Variants in TXNDC5 observed in about 807,000 individuals in gnomAD.
The protein encoded by TXNDC5 is thioredoxin domain-containing protein 5.
TXNDC5 carries 44 observed loss-of-function variants against 52.6 expected under a neutral mutation model. The observed-to-expected ratio is 0.84, with a 90% CI of 0.66 to 1.08. The LOEUF is 1.08. Ranked by LOEUF, TXNDC5 falls within the 50% of genes least tolerant of loss-of-function variation. The pLI is 0.00. For synonymous variants in TXNDC5, 241 were observed against 234.4 expected, an observed-to-expected ratio of 1.03 and a Z score of -0.26; for missense variants, 600 against 565.5, an observed-to-expected ratio of 1.06 and a Z score of -0.62.
intron 5 of TXNDC5, among the ~76,000 whole-genome samples, chr6:7,890,054 G>A (rs185920582): frequency 7.7e-4 from 117 of 152,288 alleles, no homozygotes; most frequent in Non-Finnish European, 1.3e-3. Context: ...TTTTAAACAG[G>A]AGTAGTTGGT....
chr6:7,901,720 T>A (rs1403117834), intron 2 of TXNDC5, among the ~76,000 whole-genome samples: 1 of 152,144 alleles, frequency 6.6e-6, no homozygotes, highest in Non-Finnish European at 1.5e-5. Context: ...TGCCCCAGAT[T>A]TCCGCTATTA....
Position 7,910,755 on chromosome 6 carries a change from G to A in TXNDC5, c.22C>T (p.Leu8Phe), listed in dbSNP as rs1487587772. 2 of 1,000,038 alleles carry A rather than the reference G, an allele frequency of 2.0e-6. No homozygotes were observed. Among genetic ancestry groups the A allele is most frequent in the Admixed American group, 6.1e-5 (1 of 16,438 alleles). 61.9% of individuals were successfully genotyped at this position (1,000,038 alleles called of 1,614,324 possible). The change falls in exon 1 of 10, where the codon CTC (leucine) becomes TTC (phenylalanine). Residue 8 changes from leucine (L) to phenylalanine (F), a missense_variant. Coordinates refer to ENST00000379757, the MANE Select transcript of TXNDC5 (RefSeq NM_030810.5). Reference protein sequence around the residue: MPARPGRLLPLLARPAAL... With the variant: MPARPGRFLPLLARPAAL... ...GCCGGCCGGGCCAGCAGCGGGAGGAGGCGTCCTGGGCGCGCGGGCATCGCG... is the reference window on the plus strand; with the variant it reads ...GCCGGCCGGGCCAGCAGCGGGAGGAAGCGTCCTGGGCGCGCGGGCATCGCG...
chr6:7,910,200 C>T (rs1178754397), intron 1 of TXNDC5: 3 of 963,676 alleles, frequency 3.1e-6, no homozygotes, highest in African/African-American at 3.5e-5. Flanking sequence ...TGAGCTCACG[C>T]CTCCCGACCC....
Position 7,899,617 on chromosome 6 carries a change from G to C in TXNDC5, c.478C>G (p.Leu160Val), listed in dbSNP as rs768198777. 1 of 1,614,156 alleles carries C rather than the reference G, an allele frequency of 6.2e-7. No homozygotes were observed. Among genetic ancestry groups the C allele is most frequent in the Non-Finnish European group, 8.5e-7 (1 of 1,180,016 alleles). ...KYQGPRDFQTLENWMLQTLNE... is the reference protein window; with the variant it reads ...KYQGPRDFQTVENWMLQTLNE... ...AGTGTCTGCAGCATCCAGTTTTCCA[G>C]TGTCTGGAAGTCCCGAGGACCCTGG... Residue 160 changes from leucine to valine, a missense_variant, in exon 3 of 10, where the codon CTG becomes GTG. Physicochemically the swap from Leu to Val is conservative, Grantham distance 32 (BLOSUM62 1). Coordinates refer to ENST00000379757, the MANE Select transcript of TXNDC5 (RefSeq NM_030810.5).
intron 2 of TXNDC5, among the ~76,000 whole-genome samples, chr6:7,900,947 T>C (rs940660074): frequency 1.5e-5 from 2 of 135,952 alleles, no homozygotes; most frequent in African/African-American, 2.8e-5. Flanking sequence ...TACACACACA[T>C]TCAGTCCAAA....
In TXNDC5 at chr6:7,884,484, C is replaced by T. The variant is rs1371193763; in HGVS notation, c.1051G>A (p.Gly351Ser). 1.2e-6 allele frequency: 2 copies of T among 1,613,920 alleles called. No individual in the cohort carries two copies. Among genetic ancestry groups the T allele is most frequent in the African/African-American group, 1.3e-5 (1 of 74,920 alleles). Residue 351 changes from glycine to serine, a missense_variant, in exon 9 of 10, where the codon GGT becomes AGT. Physicochemically the swap from Gly to Ser is moderately conservative, Grantham distance 56 (BLOSUM62 0). Coordinates refer to ENST00000379757, the MANE Select transcript of TXNDC5 (RefSeq NM_030810.5). ...TFIKFYAPWC[G>S]HCKTLAPTWE... ...GTAGGAGCCAGAGTCTTACAATGAC[C>T]ACACCTAAGACGAGAAAAATGGCAG...
chr6:7,903,930 T>C (rs1283809496), intron 2 of TXNDC5, among the ~76,000 whole-genome samples: 1 of 152,194 alleles, frequency 6.6e-6, no homozygotes, highest in Non-Finnish European at 1.5e-5. Context: ...TGGGCCCTTC[T>C]GTGCAAACAG....
chr6:7,908,186 G>A (rs960485718), intron 1 of TXNDC5, among the ~76,000 whole-genome samples: 2 of 150,790 alleles, frequency 1.3e-5, no homozygotes, highest in Non-Finnish European at 1.5e-5. Flanking sequence ...AGGAGGCTGA[G>A]GCAGGAGAAT....
At chr6:7,907,620 GA>G (rs1760779342) in intron 1 of TXNDC5, among the ~76,000 whole-genome samples, 1 of 152,188 alleles carries the variant, frequency 6.6e-6, no homozygotes, top group South Asian at 2.1e-4. Flanking sequence ...CACGGCAGCT[GA>G]AACTGGAAAA....
At chr6:7,894,682 C>G in intron 4 of TXNDC5, 1 of 963,416 alleles carries the variant, frequency 1.0e-6, no homozygotes, top group Non-Finnish European at 1.2e-6. Context: ...AAGATGCTGA[C>G]AGAGGGATAC....
At position 7,889,568 on chromosome 6, in the gene TXNDC5, T is replaced by C; in HGVS notation, c.746A>G (p.Gln249Arg). 6.2e-7 allele frequency: 1 copy of C among 1,611,298 alleles called. No individual in the cohort carries two copies. The highest frequency in any genetic ancestry group is 2.2e-5 in the East Asian group (1 of 44,762). Reference protein sequence around the residue: ...TVKIGKVDCTQHYELCSGNQV... With the variant: ...TVKIGKVDCTRHYELCSGNQV... ...GTTTCCGGAGCAGAGTTCATAGTGC[T>C]GTGTACAATCAACCTGAGAATAAAA... The change falls in exon 6 of 10, where the codon CAG becomes CGG. Residue 249 changes from glutamine (Q) to arginine (R), a missense_variant. By Grantham distance (43) the Gln-to-Arg change is conservative. Coordinates refer to ENST00000379757, the MANE Select transcript of TXNDC5 (RefSeq NM_030810.5).
At chr6:7,888,948 G>A (rs1760099169) in intron 6 of TXNDC5, 100 bp from the exon 7 acceptor site, 1 of 1,459,670 alleles carries the variant, frequency 6.9e-7, no homozygotes, top group South Asian at 1.4e-5. Context: ...AGAGCTCCCA[G>A]ATGTCTTAGC....
intron 3 of TXNDC5, 106 bp downstream of exon 3, chr6:7,899,470 A>T: frequency 1.5e-6 from 1 of 687,228 alleles, no homozygotes; most frequent in Non-Finnish European, 2.3e-6. Context: ...TGGCAGCCTT[A>T]ATCATTAACC....
chr6:7,909,613 C>T, intron 1 of TXNDC5, among the ~76,000 whole-genome samples: 1 of 152,188 alleles, frequency 6.6e-6, no homozygotes, highest in East Asian at 1.9e-4. Context: ...CCCGAGAGAG[C>T]AGCAGGGAGG....
At chr6:7,904,484 A>T (rs1581328539) in intron 2 of TXNDC5, 90 bp downstream of exon 2, 2 of 1,511,234 alleles carry the variant, frequency 1.3e-6, no homozygotes, top group Non-Finnish European at 9.0e-7. Context: ...TAAATTTAGT[A>T]TCTCTTCACA....
intron 9 of TXNDC5, among the ~76,000 whole-genome samples, chr6:7,884,148 A>G (rs1047742736): frequency 2.0e-5 from 3 of 152,220 alleles, no homozygotes; most frequent in African/African-American, 7.2e-5. Flanking sequence ...CTGCACTGAA[A>G]CATGGATACT....
chr6:7,902,546 T>C (rs1035688030), intron 2 of TXNDC5, among the ~76,000 whole-genome samples: 27 of 151,984 alleles, frequency 1.8e-4, no homozygotes, highest in African/African-American at 4.8e-4. Context: ...ACAACCACTC[T>C]ATGGGATGGG....
At position 7,882,179 on chromosome 6, in the gene TXNDC5, CAG is replaced by C. The variant is rs1456137494; in HGVS notation, c.*963_*964del. On this transcript the variant is annotated 3_prime_UTR_variant, in exon 10 of 10. Transcript: ENST00000379757. Reference sequence around the variant, plus strand: ...TAAAAGGACTACTGAGAAACAGAATCAGAAACTCTAGAACTCTAGTTAGGGCC... The same window carrying C: ...TAAAAGGACTACTGAGAAACAGAATCAAACTCTAGAACTCTAGTTAGGGCC... 2 of 152,626 alleles carry C rather than the reference CAG, an allele frequency of 1.3e-5. No homozygotes were observed. Among genetic ancestry groups the C allele is most frequent in the African/African-American group, 4.8e-5 (2 of 41,454 alleles). The allele number at this position is 152,626 out of a possible 1,614,324, so 9.5% of individuals were successfully genotyped here. A position where few individuals can be genotyped will look rare whatever the true frequency, so the allele number is the denominator to read the frequency against.
intron 5 of TXNDC5, among the ~76,000 whole-genome samples, 187 bp from the exon 6 acceptor site, chr6:7,889,768 A>G (rs1039386948): frequency 3.9e-5 from 6 of 152,230 alleles, no homozygotes; most frequent in African/African-American, 1.4e-4. Flanking sequence ...TACCTGAGCT[A>G]AAAGGAGTAA....
Sources: gnomAD v4.1 joint callset for allele counts (sites outside exome capture counted in the v4.1 genomes callset) on GRCh38, gnomAD v4.1.1 for gene constraint, MANE v1.5 for transcripts, NCBI Gene and HGNC (gene_info 2026-07-23, HGNC 2026-07-21) for gene names.